PIK3R1: variants seen among roughly 807,000 people sequenced by gnomAD.
The protein encoded by PIK3R1 is phosphoinositide-3-kinase regulatory subunit 1, also known as phosphatidylinositol 3-kinase regulatory subunit alpha.
A neutral mutation model predicts 98.0 loss-of-function variants in PIK3R1; 29 were observed. That is an observed-to-expected ratio of 0.30 (90% CI 0.22 to 0.40). The LOEUF is 0.40. Among genes scored for constraint, PIK3R1 ranks in the 10% least tolerant of loss-of-function variants. PIK3R1 has a pLI of 1.00. For missense variants in PIK3R1, 596 were observed against 872.7 expected (o/e 0.68, Z 3.99); for synonymous variants, 282 against 311.8 (o/e 0.90, Z 1.01).
chr5:68,288,510 G>A, intron 7 of PIK3R1: 1 of 1,221,840 alleles, frequency 8.2e-7, no homozygotes, highest in Non-Finnish European at 1.0e-6. Flanking sequence ...TGGGGCGGAG[G>A]GACGAGCCGA....
intron 2 of PIK3R1, among the ~76,000 whole-genome samples, chr5:68,256,943 A>G (rs1745542331): frequency 6.6e-6 from 1 of 152,146 alleles, no homozygotes; most frequent in South Asian, 2.1e-4. Flanking sequence ...GTCCTGTGGT[A>G]CAGAGCATGT....
intron 7 of PIK3R1, chr5:68,288,671 A>G: frequency 6.2e-7 from 1 of 1,608,004 alleles, no homozygotes; most frequent in Non-Finnish European, 8.5e-7. Flanking sequence ...TTGGTGGAAG[A>G]ACAGCTTTGG....
chr5:68,296,741 G>T (rs779805881), intron 15 of PIK3R1, among the ~76,000 whole-genome samples: 3 of 151,848 alleles, frequency 2.0e-5, no homozygotes, highest in Non-Finnish European at 4.4e-5. Flanking sequence ...ATACTCATCA[G>T]GAACAGGTGA....
At chr5:68,276,495 C>T (rs1056328766) in intron 4 of PIK3R1, among the ~76,000 whole-genome samples, 17 of 152,156 alleles carry the variant, frequency 1.1e-4, no homozygotes, top group Non-Finnish European at 5.9e-5. Context: ...TACTGGGTAC[C>T]TGTCATGAGT....
chr5:68,274,695 C>T lies in PIK3R1; in HGVS notation c.502+682C>T, dbSNP rs141818882. Among the ~76,000 whole-genome samples the T allele has an allele frequency of 1.1e-3, 167 of 152,300 alleles. 1 individual carries two copies. Among genetic ancestry groups the T allele is most frequent in the Non-Finnish European group, 7.8e-4 (53 of 68,014 alleles). ...ATGTGGAATTGGGAAGAATTGAGGA[C>T]AGTTTGTTAAATAACACTAATTAAT... On this transcript the variant is annotated intron_variant, in intron 4 of 15. Coordinates refer to ENST00000521381, the MANE Select transcript of PIK3R1 (RefSeq NM_181523.3).
At chr5:68,255,023 C>T (rs1159812823) in intron 2 of PIK3R1, among the ~76,000 whole-genome samples, 1 of 152,194 alleles carries the variant, frequency 6.6e-6, no homozygotes, top group African/African-American at 2.4e-5. Context: ...TGCTCAGAGG[C>T]TGCACTTACT....
intron 15 of PIK3R1, 25 bp downstream of exon 15, chr5:68,296,366 T>G: frequency 6.3e-7 from 1 of 1,580,228 alleles, no homozygotes; most frequent in Non-Finnish European, 8.6e-7. Flanking sequence ...CAAACTTTTC[T>G]TTACAACATC....
At chr5:68,265,807 T>C (rs1424730411) in intron 2 of PIK3R1, among the ~76,000 whole-genome samples, 3 of 152,192 alleles carry the variant, frequency 2.0e-5, no homozygotes, top group African/African-American at 7.2e-5. Context: ...AAAATGTTAA[T>C]CGTAGAATCT....
rs1747989263 is a variant in PIK3R1 at position 68,300,643 on chromosome 5, TG to T, written c.*3044del. On this transcript the variant is annotated 3_prime_UTR_variant, in exon 16 of 16. Coordinates refer to ENST00000521381, the MANE Select transcript of PIK3R1 (RefSeq NM_181523.3). Reference sequence around the variant, plus strand: ...ATAAATGTATATATGTATATGTGCATGGACTGTGTTTCCAGTACACCTTTCA... The same window carrying T: ...ATAAATGTATATATGTATATGTGCATGACTGTGTTTCCAGTACACCTTTCA... 1 of 233,220 alleles carries T rather than the reference TG, an allele frequency of 4.3e-6. No homozygotes were observed. Among genetic ancestry groups the T allele is most frequent in the Admixed American group, 5.6e-5 (1 of 17,788 alleles). The allele number at this position is 233,220 out of a possible 1,614,324, so 14.4% of individuals were successfully genotyped here. A position where few individuals can be genotyped will look rare whatever the true frequency, so the allele number is the denominator to read the frequency against.
intron 2 of PIK3R1, among the ~76,000 whole-genome samples, chr5:68,267,859 A>G (rs1349933796): frequency 6.6e-6 from 1 of 152,100 alleles, no homozygotes; most frequent in Non-Finnish European, 1.5e-5. Context: ...TACAAAGGCA[A>G]AATGCAAATA....
In PIK3R1 at chr5:68,301,342, CTATA is replaced by C. The variant is rs531318827; in HGVS notation, c.*3763_*3766del. 0.016 allele frequency: 857 copies of C among 53,086 alleles called. 26 individuals are homozygous for C. The highest frequency in any genetic ancestry group is 0.052 in the African/African-American group (792 of 15,162). The allele number at this position is 53,086 out of a possible 1,614,324, so 3.3% of individuals were successfully genotyped here. A position where few individuals can be genotyped will look rare whatever the true frequency, so the allele number is the denominator to read the frequency against. On this transcript the variant is annotated 3_prime_UTR_variant, in exon 16 of 16. Transcript: ENST00000521381. Reference sequence around the variant, plus strand: ...ATAGCATTAGCTGCCCAGGATGCTGCTATATATATATATATATATATATATGTGT... The same window carrying C: ...ATAGCATTAGCTGCCCAGGATGCTGCTATATATATATATATATATATGTGT...
chr5:68,290,808 T>A, intron 7 of PIK3R1: 3 of 1,612,660 alleles, frequency 1.9e-6, no homozygotes, highest in Non-Finnish European at 2.5e-6. Flanking sequence ...ACAGACTTGA[T>A]GTTTTATATA....
chr5:68,275,735 G>A (rs893142333), intron 4 of PIK3R1, among the ~76,000 whole-genome samples: 1 of 152,096 alleles, frequency 6.6e-6, no homozygotes, highest in African/African-American at 2.4e-5. Context: ...CTTGGGAGTG[G>A]ATCTGCCAGA....
intron 1 of PIK3R1, among the ~76,000 whole-genome samples, chr5:68,220,608 C>T (rs1744059233): frequency 6.6e-6 from 1 of 152,164 alleles, no homozygotes; most frequent in African/African-American, 2.4e-5. Context: ...GTTACCTGGG[C>T]TTGTGCTACC....
intron 7 of PIK3R1, among the ~76,000 whole-genome samples, chr5:68,287,043 T>C (rs67913607): frequency 0.23 from 34,664 of 152,040 alleles, 4,061 homozygotes; most frequent in South Asian, 0.26. Flanking sequence ...TCACTTTCAT[T>C]GTGGGTTTAA....
At chr5:68,232,370 A>G (rs1036379920) in intron 2 of PIK3R1, among the ~76,000 whole-genome samples, 5 of 152,294 alleles carry the variant, frequency 3.3e-5, no homozygotes, top group African/African-American at 1.2e-4. Flanking sequence ...GAAATTGACA[A>G]AAAGAGACAG....
intron 2 of PIK3R1, among the ~76,000 whole-genome samples, chr5:68,260,863 C>A (rs754944491): frequency 2.6e-5 from 4 of 152,156 alleles, no homozygotes; most frequent in Admixed American, 6.5e-5. Flanking sequence ...AATTAGTTGT[C>A]TTTTGTTAGA....
intron 2 of PIK3R1, among the ~76,000 whole-genome samples, chr5:68,237,638 G>A (rs1293631016): frequency 6.6e-6 from 1 of 151,268 alleles, no homozygotes; most frequent in Non-Finnish European, 1.5e-5. Flanking sequence ...AGTTAAAAAG[G>A]CCTCTGACTG....
chr5:68,257,374 C>T (rs1745559768), intron 2 of PIK3R1, among the ~76,000 whole-genome samples: 1 of 151,944 alleles, frequency 6.6e-6, no homozygotes, highest in Non-Finnish European at 1.5e-5. Flanking sequence ...TCTTTTTACC[C>T]CTTTGGCTGG....
Sources: gnomAD v4.1 joint callset for allele counts (sites outside exome capture counted in the v4.1 genomes callset) on GRCh38, gnomAD v4.1.1 for gene constraint, MANE v1.5 for transcripts, NCBI Gene and HGNC (gene_info 2026-07-23, HGNC 2026-07-21) for gene names.